COL28A1: variants seen among roughly 807,000 people sequenced by gnomAD.
COL28A1 encodes collagen alpha-1(XXVIII) chain.
COL28A1 carries 161 observed loss-of-function variants against 150.2 expected under a neutral mutation model. That is an observed-to-expected ratio of 1.07 (90% confidence interval 0.94 to 1.22). The LOEUF is 1.22. Among genes scored for constraint, COL28A1 ranks in the 50% most tolerant of loss-of-function variants. The pLI is 0.00. For missense variants in COL28A1, 1,617 were observed against 1,388.3 expected, an observed-to-expected ratio of 1.16 and a Z score of -2.62; for synonymous variants, 552 against 469.7, an observed-to-expected ratio of 1.18 and a Z score of -2.26.
intron 25 of COL28A1, among the ~76,000 whole-genome samples, chr7:7,429,279 G>A (rs1784810465): frequency 6.6e-6 from 1 of 152,110 alleles, no homozygotes; most frequent in Admixed American, 6.5e-5. Context: ...ACACATTTGG[G>A]TCCTGTGCTT....
intron 27 of COL28A1, among the ~76,000 whole-genome samples, chr7:7,394,960 C>T (rs1017662544): frequency 1.3e-5 from 2 of 152,170 alleles, no homozygotes; most frequent in African/African-American, 4.8e-5. Flanking sequence ...TCGGCACTTG[C>T]TCATTGCCTC....
intron 11 of COL28A1, among the ~76,000 whole-genome samples, chr7:7,494,577 T>G (rs897943456): frequency 6.6e-6 from 1 of 152,218 alleles, no homozygotes; most frequent in African/African-American, 2.4e-5. Context: ...TTAATATGTA[T>G]AGATTTAATT....
At chr7:7,400,556 A>T (rs894365099) in intron 27 of COL28A1, among the ~76,000 whole-genome samples, 2 of 151,680 alleles carry the variant, frequency 1.3e-5, no homozygotes, top group African/African-American at 4.8e-5. Context: ...GTGGGAGGGG[A>T]TCTGAAGAAT....
intron 30 of COL28A1, among the ~76,000 whole-genome samples, chr7:7,375,907 T>C (rs1280062213): frequency 6.6e-6 from 1 of 152,210 alleles, no homozygotes; most frequent in Non-Finnish European, 1.5e-5. Context: ...TTAAACCACA[T>C]GTGCTGAGCA....
intron 15 of COL28A1, among the ~76,000 whole-genome samples, chr7:7,469,691 A>G (rs201795342): frequency 5.0e-5 from 4 of 79,590 alleles, no homozygotes; most frequent in Non-Finnish European, 7.1e-5. Context: ...GAGGCATCAC[A>G]CTACCTGACT....
chr7:7,402,724 T>C (rs995940838), intron 27 of COL28A1, among the ~76,000 whole-genome samples: 5 of 152,192 alleles, frequency 3.3e-5, no homozygotes, highest in African/African-American at 1.2e-4. Flanking sequence ...GATATTTTCT[T>C]GCCAAATGGA....
rs1196202685 is a variant in COL28A1, at chr7:7,388,012, A to T, written c.2137-6400T>A. On this transcript the variant is annotated intron_variant, in intron 27 of 34. Transcript: ENST00000399429. Reference sequence around the variant, plus strand: ...CTTCCCTAGGATTTGTATTCATACCAATTTCAGTTCAATTTTTTTAAATTA... The same window carrying T: ...CTTCCCTAGGATTTGTATTCATACCTATTTCAGTTCAATTTTTTTAAATTA... Among the ~76,000 whole-genome samples, 6 of 152,076 alleles carry T rather than the reference A, an allele frequency of 3.9e-5. No individual in the cohort carries two copies. The South Asian group carries it at 6.2e-4, about 16-fold the overall frequency.
intron 15 of COL28A1, among the ~76,000 whole-genome samples, chr7:7,461,328 G>A (rs1031257291): frequency 9.9e-5 from 15 of 152,210 alleles, no homozygotes; most frequent in African/African-American, 3.6e-4. Flanking sequence ...AGCCCACAGG[G>A]GGAAGGAAAC....
chr7:7,436,300 A>T (rs1583366076), intron 23 of COL28A1, 95 bp downstream of exon 23: 1 of 796,104 alleles, frequency 1.3e-6, no homozygotes, highest in East Asian at 2.5e-5. Context: ...TAATCAATGT[A>T]GAAACCTCAC....
intron 25 of COL28A1, among the ~76,000 whole-genome samples, chr7:7,426,466 T>C (rs1053436816): frequency 3.9e-5 from 6 of 152,206 alleles, no homozygotes; most frequent in African/African-American, 1.4e-4. Context: ...TATTGATTAT[T>C]GAATGACCGT....
downstream of COL28A1, among the ~76,000 whole-genome samples, chr7:7,355,199 A>G (rs961446383): frequency 1.3e-5 from 2 of 152,230 alleles, no homozygotes; most frequent in East Asian, 3.8e-4. Context: ...CAAGAACTCA[A>G]TAAGGAAAAG....
chr7:7,338,650 CTTCTT>C, the COL28A1 span, among the ~76,000 whole-genome samples: 1 of 152,100 alleles, frequency 6.6e-6, no homozygotes, highest in African/African-American at 2.4e-5. Context: ...AATTTGACCT[CTTCTT>C]TTCTTATTTG....
intron 27 of COL28A1, among the ~76,000 whole-genome samples, chr7:7,412,893 A>C (rs1783866265): frequency 6.6e-6 from 1 of 152,144 alleles, no homozygotes; most frequent in Non-Finnish European, 1.5e-5. Flanking sequence ...GATTTGTCTA[A>C]GGTTACAACT....
intron 11 of COL28A1, among the ~76,000 whole-genome samples, chr7:7,492,172 T>A (rs1779948754): frequency 2.0e-5 from 3 of 151,970 alleles, no homozygotes; most frequent in Admixed American, 2.0e-4. Context: ...ATAAAGGAGT[T>A]TTCAGAAATA....
chr7:7,529,664 T>C (rs1455328863), intron 3 of COL28A1, among the ~76,000 whole-genome samples: 1 of 152,194 alleles, frequency 6.6e-6, no homozygotes, highest in African/African-American at 2.4e-5. Context: ...AACCTGAGCC[T>C]ACACCTGTGG....
downstream of COL28A1, chr7:7,356,939 A>G (rs575905026): frequency 5.9e-5 from 9 of 152,292 alleles, no homozygotes; most frequent in South Asian, 1.2e-3. Context: ...ACATATCATT[A>G]TTTCTGCCAA....
At chr7:7,441,611 T>C (rs1026188178) in intron 20 of COL28A1, among the ~76,000 whole-genome samples, 14 of 152,094 alleles carry the variant, frequency 9.2e-5, no homozygotes, top group Non-Finnish European at 1.6e-4. Context: ...GTTTTTAAAG[T>C]TGAGCAACAG....
At chr7:7,505,948 C>G in intron 11 of COL28A1, 66 bp downstream of exon 11, 1 of 842,718 alleles carries the variant, frequency 1.2e-6, no homozygotes, top group Non-Finnish European at 2.1e-6. Flanking sequence ...CCTAATAAAA[C>G]ATACATTACT....
chr7:7,360,428 G>C lies in COL28A1; in HGVS notation c.3167C>G (p.Pro1056Arg). The C allele has an allele frequency of 1.9e-6, 3 of 1,607,842 alleles. No individual in the cohort carries two copies. Among genetic ancestry groups the C allele is most frequent in the Non-Finnish European group, 2.5e-6 (3 of 1,178,276 alleles). The part of the protein sequence containing the change: ...ATTSSEATTT[P>R]RPLLSTPVDG... ...CACAGGGGTGCTGAGCAGTGGCCTG[G>C]GGGTGGTGGTGGCCTCAGATGAGGT... The change falls in exon 34 of 35, where the codon CCC (proline) becomes CGC (arginine). Residue 1056 changes from proline (P) to arginine (R), a missense_variant. Transcript: ENST00000399429.
Sources: allele counts gnomAD v4.1 joint callset (sites outside exome capture counted in the v4.1 genomes callset), GRCh38; gene constraint gnomAD v4.1.1; transcripts MANE v1.5; gene names NCBI Gene and HGNC (gene_info 2026-07-23, HGNC 2026-07-21).